The following PCDHGA2 variants were observed in gnomAD, a reference collection of about 807,000 sequenced individuals.
PCDHGA2 encodes protocadherin gamma-A2.
Under a neutral mutation model 59.2 loss-of-function variants are expected in PCDHGA2, and 40 were observed. That is an observed-to-expected ratio of 0.68 (90% CI 0.52 to 0.88). The LOEUF (loss-of-function observed/expected upper bound fraction) is 0.88, where lower values mean the gene tolerates loss of function less well. Among genes scored for constraint, PCDHGA2 ranks in the 40% least tolerant of loss-of-function variants. The pLI is 0.00. For synonymous variants in PCDHGA2, 560 were observed against 526.0 expected, an observed-to-expected ratio of 1.06 and a Z score of -0.89; for missense variants, 1,226 against 1,204.0, an observed-to-expected ratio of 1.02 and a Z score of -0.27.
intron 1 of PCDHGA2, chr5:141,398,897 C>T (rs761364649): frequency 1.2e-6 from 2 of 1,613,932 alleles, no homozygotes; most frequent in Non-Finnish European, 1.7e-6. Context: ...AACGTGCCAC[C>T]AGGCACCACT....
chr5:141,491,450 C>G lies in PCDHGA2; in HGVS notation c.2425-3357C>G. ...CAGTGCTGCAGGCGCCAGGACTCAC[C>G]CTCCCCGGACTTCTATAAGCAGTCC... On this transcript the variant is annotated intron_variant, in intron 1 of 3. Transcript: ENST00000394576. The surrounding 1 kb of genome is among the most constrained non-coding windows in gnomAD (Gnocchi z 6.9). The G allele has an allele frequency of 1.2e-6, 2 of 1,614,110 alleles. No homozygotes were observed. Among genetic ancestry groups the G allele is most frequent in the Non-Finnish European group, 1.7e-6 (2 of 1,180,044 alleles).
intron 1 of PCDHGA2, among the ~76,000 whole-genome samples, chr5:141,438,764 C>A (rs963627140): frequency 6.7e-6 from 1 of 148,638 alleles, no homozygotes; most frequent in Non-Finnish European, 1.5e-5. Flanking sequence ...TGGGTTCAAG[C>A]GATTCTCCTG....
chr5:141,508,269 C>T (rs1459186158), intron 3 of PCDHGA2: 1 of 152,186 alleles, frequency 6.6e-6, no homozygotes, highest in East Asian at 1.9e-4. Flanking sequence ...GAGAAAATCC[C>T]GGTCCTTGAC....
intron 1 of PCDHGA2, chr5:141,418,346 A>G (rs780933957): frequency 1.7e-5 from 27 of 1,614,022 alleles, no homozygotes; most frequent in South Asian, 2.2e-5. Flanking sequence ...TCCTGATATT[A>G]GTATGAATTC....
intron 1 of PCDHGA2, chr5:141,419,779 GC>G: frequency 1.2e-6 from 2 of 1,614,064 alleles, no homozygotes; most frequent in African/African-American, 2.7e-5. Context: ...CGGTCCGCCA[GC>G]GCCTGCTAGT....
At position 141,487,937 on chromosome 5, in the gene PCDHGA2, T is replaced by G; in HGVS notation, c.2425-6870T>G. 2 of 603,606 alleles carry G rather than the reference T, an allele frequency of 3.3e-6. No homozygotes were observed. The highest frequency in any genetic ancestry group is 2.9e-6 in the Non-Finnish European group (1 of 345,124). 37.4% of individuals were successfully genotyped at this position (603,606 alleles called of 1,614,324 possible). ...GGAGGCTACAGTGCACAGGGTACAG[T>G]GCACCAGGCAGTCACTTGGACAAAG... On this transcript the variant is annotated intron_variant, in intron 1 of 3. Transcript: ENST00000394576. The surrounding 1 kb of genome is among the most constrained non-coding windows in gnomAD (Gnocchi z 5.0).
intron 1 of PCDHGA2, chr5:141,412,160 G>T (rs952899384): frequency 2.0e-5 from 3 of 152,212 alleles, no homozygotes; most frequent in Middle Eastern, 3.2e-3. Flanking sequence ...TAAGAGAAGA[G>T]ATTATTTATA....
At chr5:141,352,101 G>T in intron 1 of PCDHGA2, 1 of 1,606,586 alleles carries the variant, frequency 6.2e-7, no homozygotes, top group Non-Finnish European at 8.5e-7. Flanking sequence ...GGGCTCTTCA[G>T]CCTGGGGTTG....
chr5:141,467,756 T>A (rs1312303182), intron 1 of PCDHGA2, among the ~76,000 whole-genome samples: 5 of 151,988 alleles, frequency 3.3e-5, no homozygotes, highest in African/African-American at 1.2e-4. Flanking sequence ...CCGCCTCACA[T>A]GCTCAAGTGC....
At chr5:141,496,329 C>T (rs1435070517) in intron 2 of PCDHGA2, among the ~76,000 whole-genome samples, 2 of 152,186 alleles carry the variant, frequency 1.3e-5, no homozygotes, top group South Asian at 4.1e-4. Context: ...AGTTAGAAGT[C>T]AGGAGCCTGG....
intron 1 of PCDHGA2, among the ~76,000 whole-genome samples, chr5:141,457,898 A>T (rs1035775197): frequency 6.6e-6 from 1 of 151,874 alleles, no homozygotes; most frequent in Non-Finnish European, 1.5e-5. Context: ...GACTGTGTAG[A>T]CAAGGTGTGA....
At chr5:141,406,649 G>A (rs1447190497) in intron 1 of PCDHGA2, among the ~76,000 whole-genome samples, 2 of 152,098 alleles carry the variant, frequency 1.3e-5, no homozygotes, top group African/African-American at 2.4e-5. Flanking sequence ...ATTTCCTAAT[G>A]CTTTAATGTT....
intron 1 of PCDHGA2, chr5:141,393,251 G>T: frequency 5.6e-6 from 9 of 1,613,814 alleles, no homozygotes; most frequent in Non-Finnish European, 6.8e-6. Flanking sequence ...ACGAAATCGC[G>T]GTTCCTGGAG....
At chr5:141,415,282 G>A in intron 1 of PCDHGA2, 1 of 1,614,224 alleles carries the variant, frequency 6.2e-7, no homozygotes, top group Non-Finnish European at 8.5e-7. Flanking sequence ...AGCGGTGGCC[G>A]CGGTCTCCTG....
intron 1 of PCDHGA2, chr5:141,344,632 T>C (rs1757449485): frequency 1.2e-6 from 2 of 1,613,976 alleles, no homozygotes; most frequent in East Asian, 2.2e-5. Flanking sequence ...GAGCGGGCCC[T>C]GGACCGTGAG....
At chr5:141,474,447 G>A (rs1263877262) in intron 1 of PCDHGA2, among the ~76,000 whole-genome samples, 1 of 152,218 alleles carries the variant, frequency 6.6e-6, no homozygotes, top group Non-Finnish European at 1.5e-5. Flanking sequence ...AGTAGCAAGT[G>A]ATTGGGCTAT....
At chr5:141,474,126 A>G (rs1450071391) in intron 1 of PCDHGA2, among the ~76,000 whole-genome samples, 2 of 152,232 alleles carry the variant, frequency 1.3e-5, no homozygotes, top group African/African-American at 4.8e-5. Context: ...AAAATCTCAG[A>G]AAACTACAGG....
chr5:141,349,800 T>TA (rs1242552516), intron 1 of PCDHGA2, among the ~76,000 whole-genome samples: 5 of 152,168 alleles, frequency 3.3e-5, no homozygotes, highest in Non-Finnish European at 7.3e-5. Flanking sequence ...GATTTTTTTT[T>TA]ACCCCCAAAA....
chr5:141,491,508 G>T lies in PCDHGA2; in HGVS notation c.2425-3299G>T. 1 of 1,614,030 alleles carries T rather than the reference G, an allele frequency of 6.2e-7. No homozygotes were observed. Among genetic ancestry groups the T allele is most frequent in the Non-Finnish European group, 8.5e-7 (1 of 1,180,014 alleles). ...ACCTGCAGGTGAGCTCGGACGGCACGCTCAAGTACATGGAGGTGACGCTGC... is the reference window on the plus strand; with the variant it reads ...ACCTGCAGGTGAGCTCGGACGGCACTCTCAAGTACATGGAGGTGACGCTGC... On this transcript the variant is annotated intron_variant, in intron 1 of 3. Transcript: ENST00000394576. The surrounding 1 kb of genome is among the most constrained non-coding windows in gnomAD (Gnocchi z 6.9).
Sources: allele counts gnomAD v4.1 joint callset (sites outside exome capture counted in the v4.1 genomes callset), GRCh38; gene constraint gnomAD v4.1.1; non-coding constraint Gnocchi (gnomAD v3.1); transcripts MANE v1.5; gene names NCBI Gene and HGNC (gene_info 2026-07-23, HGNC 2026-07-21).